ZC3H12B: variants seen among roughly 807,000 people sequenced by gnomAD.
ZC3H12B encodes the protein probable ribonuclease ZC3H12B.
ZC3H12B carries 7 observed loss-of-function variants against 43.9 expected under a neutral mutation model. That is an observed-to-expected ratio of 0.16 (90% CI 0.09 to 0.30). The LOEUF (loss-of-function observed/expected upper bound fraction) is 0.30. Among genes scored for constraint, ZC3H12B ranks in the 10% least tolerant of loss-of-function variants. ZC3H12B has a pLI of 1.00. For missense variants in ZC3H12B, 475 were observed against 670.2 expected (o/e 0.71, Z 3.22); for synonymous variants, 222 against 241.7 (o/e 0.92, Z 0.76).
intron 1 of ZC3H12B, among the ~76,000 whole-genome samples, chrX:65,492,234 G>A (rs1400983672): frequency 8.9e-6 from 1 of 111,974 alleles, no homozygotes; most frequent in Non-Finnish European, 1.9e-5. Context: ...TGGCTTCATG[G>A]TAATGTAATA....
chrX:65,144,776 T>C, the ZC3H12B span, among the ~76,000 whole-genome samples: 11 of 111,684 alleles, frequency 9.8e-5, no homozygotes, highest in Non-Finnish European at 2.1e-4. Context: ...TGTATTTGTA[T>C]GGTTTTGGAG....
intron 1 of ZC3H12B, among the ~76,000 whole-genome samples, chrX:65,496,061 CTT>C (rs1484363724): frequency 9.0e-6 from 1 of 111,654 alleles, no homozygotes; most frequent in Non-Finnish European, 1.9e-5. Context: ...AAATAGATCA[CTT>C]ATAACCCTCT....
At chrX:65,200,478 G>A in the ZC3H12B span, among the ~76,000 whole-genome samples, 8 of 96,167 alleles carry the variant, frequency 8.3e-5, no homozygotes, top group Non-Finnish European at 1.6e-4. Context: ...AGTTGCCCAG[G>A]CTGGAGTGTA....
intron 3 of ZC3H12B, among the ~76,000 whole-genome samples, chrX:65,461,730 A>G (rs999663096): frequency 9.0e-6 from 1 of 111,575 alleles, no homozygotes. Flanking sequence ...GAGGGATAGC[A>G]TTAGGAGATA....
At chrX:65,100,584 A>C in the ZC3H12B span, among the ~76,000 whole-genome samples, 3 of 102,416 alleles carry the variant, frequency 2.9e-5, no homozygotes, top group East Asian at 6.0e-4. Context: ...AAAAAAAAAA[A>C]AAAAAAAAAA....
chrX:65,475,199 G>C (rs1009263849), intron 3 of ZC3H12B, among the ~76,000 whole-genome samples: 2 of 111,502 alleles, frequency 1.8e-5, no homozygotes, highest in African/African-American at 6.5e-5. Flanking sequence ...TTTATATAAA[G>C]GCTAAAAGTA....
At chrX:65,314,237 CA>C in the ZC3H12B span, among the ~76,000 whole-genome samples, 3 of 107,818 alleles carry the variant, frequency 2.8e-5, no homozygotes, top group African/African-American at 3.4e-5. Context: ...GAGAGGAGTA[CA>C]AAAAAAAATT....
intron 3 of ZC3H12B, among the ~76,000 whole-genome samples, chrX:65,475,845 C>T (rs1001980772): frequency 9.0e-6 from 1 of 111,650 alleles, no homozygotes; most frequent in Non-Finnish European, 1.9e-5. Context: ...ATGGGAAACA[C>T]CCACCCCCGT....
chrX:65,187,249 T>C, the ZC3H12B span: 2 of 112,022 alleles, frequency 1.8e-5, no homozygotes, highest in Admixed American at 1.9e-4. Context: ...GAATTGCCCT[T>C]CACATTGGTG....
rs368929311 is a variant in ZC3H12B at position 65,406,705 on chromosome X, G to A, written n.407+8001G>A. ...AGTGTAACCCACGCCAGAGGCGCGG[G>A]CGGCGGCGGCGGCGGTAGGAGCGGC... On this transcript the variant is annotated intron_variant and non_coding_transcript_variant, in intron 3 of 5. Coordinates refer to the ZC3H12B transcript ENST00000617377. 3.9e-4 allele frequency among the ~76,000 whole-genome samples: 43 copies of A among 111,155 alleles called. No homozygotes were observed. In the East Asian group the frequency reaches 0.012, roughly 30 times the overall value.
the ZC3H12B span, among the ~76,000 whole-genome samples, chrX:65,121,996 A>G: frequency 2.7e-5 from 3 of 111,200 alleles, no homozygotes; most frequent in Non-Finnish European, 3.8e-5. Flanking sequence ...GTTTTATTGC[A>G]CTGTGGTCTG....
intron 1 of ZC3H12B, among the ~76,000 whole-genome samples, chrX:65,367,967 A>G (rs1212992706): frequency 9.0e-6 from 1 of 111,573 alleles, no homozygotes; most frequent in Non-Finnish European, 1.9e-5. Flanking sequence ...AGTGGGAAGA[A>G]TAATAAGACC....
At chrX:65,177,504 T>A in the ZC3H12B span, among the ~76,000 whole-genome samples, 1 of 112,143 alleles carries the variant, frequency 8.9e-6, no homozygotes, top group Non-Finnish European at 1.9e-5. Context: ...TGTTTGCAGA[T>A]GACATGAATG....
chrX:65,382,194 A>G (rs1171896562), intron 2 of ZC3H12B, among the ~76,000 whole-genome samples: 1 of 110,954 alleles, frequency 9.0e-6, no homozygotes, highest in Admixed American at 9.6e-5. Flanking sequence ...ATTGATGCAA[A>G]AATCCTCAAT....
At chrX:65,108,772 C>T in the ZC3H12B span, among the ~76,000 whole-genome samples, 9 of 111,464 alleles carry the variant, frequency 8.1e-5, no homozygotes, top group African/African-American at 2.9e-4. Context: ...TGCATATGCT[C>T]TACATTTGTA....
At chrX:65,041,434 A>G in the ZC3H12B span, among the ~76,000 whole-genome samples, 1 of 111,839 alleles carries the variant, frequency 8.9e-6, no homozygotes, top group Non-Finnish European at 1.9e-5. Flanking sequence ...AGAAGGGAGG[A>G]ACATCTAGGT....
chrX:65,357,674 C>T, the ZC3H12B span: 3 of 112,330 alleles, frequency 2.7e-5, no homozygotes, highest in Non-Finnish European at 5.6e-5. Context: ...GCCTGCCTTG[C>T]AAGAGCTCCT....
At chrX:65,211,732 T>A in the ZC3H12B span, among the ~76,000 whole-genome samples, 1 of 85,073 alleles carries the variant, frequency 1.2e-5, no homozygotes, top group Non-Finnish European at 2.2e-5. Context: ...TTTTATGTAA[T>A]AATATATATA....
chrX:65,338,294 C>A, the ZC3H12B span, among the ~76,000 whole-genome samples: 1 of 111,599 alleles, frequency 9.0e-6, no homozygotes, highest in Non-Finnish European at 1.9e-5. Context: ...AACTCACAAC[C>A]TTCCAAGATT....
Sources: gnomAD v4.1 joint callset for allele counts (sites outside exome capture counted in the v4.1 genomes callset) on GRCh38, gnomAD v4.1.1 for gene constraint, MANE v1.5 for transcripts, NCBI Gene and HGNC (gene_info 2026-07-23, HGNC 2026-07-21) for gene names.